The following DLGAP4 variants were observed in gnomAD, a reference collection of about 807,000 sequenced individuals.
The protein encoded by DLGAP4 is disks large-associated protein 4.
In DLGAP4, 18 loss-of-function variants were observed where a neutral mutation model predicts 86.9. That is an observed-to-expected ratio of 0.21 (90% CI 0.14 to 0.31). The LOEUF (loss-of-function observed/expected upper bound fraction) is 0.31, where lower values mean the gene tolerates loss of function less well. DLGAP4 is among the 10% of genes least tolerant of loss of function. The probability of loss-of-function intolerance (pLI) is 1.00; values close to 1 mark genes in which losing one functional copy is unlikely to be tolerated. For missense variants in DLGAP4, 1,085 were observed against 1,362.6 expected (o/e 0.80, Z 3.21); for synonymous variants, 548 against 574.3 (o/e 0.95, Z 0.65).
At chr20:36,427,240 A>AGGCC (rs538598943) in intron 2 of DLGAP4, among the ~76,000 whole-genome samples, 127 of 152,218 alleles carry the variant, frequency 8.3e-4, no homozygotes, top group African/African-American at 2.9e-3. Flanking sequence ...ACACTTTGGG[A>AGGCC]GGCCGAGGCA....
At chr20:36,489,922 A>G (rs2147740618) in intron 7 of DLGAP4, among the ~76,000 whole-genome samples, 1 of 142,780 alleles carries the variant, frequency 7.0e-6, no homozygotes, top group East Asian at 2.0e-4. Context: ...GCAGTGGCGC[A>G]ATCCTGGCTC....
chr20:36,335,034 A>T (rs2065307508), intron 1 of DLGAP4, among the ~76,000 whole-genome samples: 3 of 152,080 alleles, frequency 2.0e-5, no homozygotes, highest in African/African-American at 7.2e-5. Context: ...TAATGGTTTG[A>T]AAAGGCCTTT....
intron 1 of DLGAP4, among the ~76,000 whole-genome samples, chr20:36,332,102 G>A (rs2065274524): frequency 1.3e-5 from 2 of 152,132 alleles, no homozygotes; most frequent in South Asian, 4.1e-4. Context: ...GAGGTGATGT[G>A]ATCAGATTCA....
chr20:36,500,068 G>T lies in DLGAP4; in HGVS notation c.2100-131G>T. 9.0e-7 allele frequency: 1 copy of T among 1,115,672 alleles called. No homozygotes were observed. The highest frequency in any genetic ancestry group is 1.3e-6 in the Non-Finnish European group (1 of 796,444). 69.1% of individuals were successfully genotyped at this position (1,115,672 alleles called of 1,614,324 possible). A position where few individuals can be genotyped will look rare whatever the true frequency, so the allele number is the denominator to read the frequency against. ...GATGGGGGCTGTGGGACCCGCTTCA[G>T]GCGCATGGTGAGCAGATGATGCATC... On this transcript the variant is annotated intron_variant, in intron 9 of 12. Transcript: ENST00000339266. This position sits in a 1 kb window ranked among gnomAD's most constrained non-coding sequence, Gnocchi z 4.6.
At chr20:36,399,936 G>A (rs1157587481) in intron 2 of DLGAP4, among the ~76,000 whole-genome samples, 3 of 152,218 alleles carry the variant, frequency 2.0e-5, no homozygotes, top group African/African-American at 4.8e-5. Flanking sequence ...GGGGCTACTA[G>A]CTTTTAGAGG....
chr20:36,411,251 A>C (rs2032489432), intron 2 of DLGAP4, among the ~76,000 whole-genome samples: 1 of 152,076 alleles, frequency 6.6e-6, no homozygotes, highest in African/African-American at 2.4e-5. Context: ...CAGCCTCCCA[A>C]AGTGCAGGAT....
chr20:36,365,791 TC>T (rs782550014), intron 1 of DLGAP4, among the ~76,000 whole-genome samples: 3 of 152,112 alleles, frequency 2.0e-5, no homozygotes, highest in Non-Finnish European at 4.4e-5. Context: ...AAGGTGAGCC[TC>T]CCCGACCAGC....
intron 2 of DLGAP4, among the ~76,000 whole-genome samples, chr20:36,430,547 G>A (rs920754999): frequency 4.6e-5 from 7 of 151,086 alleles, no homozygotes; most frequent in African/African-American, 1.7e-4. Context: ...GGCAGGCACA[G>A]TGGCCCACAG....
intron 1 of DLGAP4, among the ~76,000 whole-genome samples, chr20:36,307,401 CT>C (rs2065014539): frequency 6.6e-6 from 1 of 152,186 alleles, no homozygotes; most frequent in African/African-American, 2.4e-5. Context: ...TCCGATCCCC[CT>C]CCATCCCTTC....
At chr20:36,489,402 A>G (rs990884132) in intron 7 of DLGAP4, among the ~76,000 whole-genome samples, 4 of 152,218 alleles carry the variant, frequency 2.6e-5, no homozygotes, top group Non-Finnish European at 5.9e-5. Flanking sequence ...ACCAGGCTCC[A>G]AGGACAGAGC....
chr20:36,492,302 C>A (rs950786994), intron 7 of DLGAP4: 2 of 152,486 alleles, frequency 1.3e-5, no homozygotes, highest in African/African-American at 4.8e-5. Context: ...CCTGAAGCCC[C>A]AAAATCTTGT....
chr20:36,471,505 A>T (rs1194977888), intron 7 of DLGAP4, among the ~76,000 whole-genome samples: 1 of 152,032 alleles, frequency 6.6e-6, no homozygotes, highest in Non-Finnish European at 1.5e-5. Flanking sequence ...AAAATAAATA[A>T]ATAAATAAAT....
intron 2 of DLGAP4, among the ~76,000 whole-genome samples, chr20:36,371,412 C>T (rs1289573263): frequency 6.6e-6 from 1 of 152,178 alleles, no homozygotes; most frequent in Non-Finnish European, 1.5e-5. Context: ...GGAGAGACTC[C>T]ATTGGTGCAG....
At chr20:36,457,995 T>A (rs933906899) in intron 7 of DLGAP4, among the ~76,000 whole-genome samples, 1 of 149,766 alleles carries the variant, frequency 6.7e-6, no homozygotes, top group Non-Finnish European at 1.5e-5. Context: ...AGGCGGGGGG[T>A]GAGTGGTACA....
chr20:36,462,400 T>TTAAACA, intron 7 of DLGAP4: 1 of 1,393,232 alleles, frequency 7.2e-7, no homozygotes. Context: ...ACTCTGTGCC[T>TTAAACA]CTTGCGCTGA....
chr20:36,497,198 C>T lies in DLGAP4; in HGVS notation c.2010+132C>T, dbSNP rs1600654464. 2.1e-6 allele frequency: 3 copies of T among 1,459,460 alleles called. No homozygotes were observed. The South Asian group carries it at 4.4e-5, about 21-fold the overall frequency. 90.4% of individuals were successfully genotyped at this position (1,459,460 alleles called of 1,614,324 possible). ...GTCTCTCTATTTTGGGGGATCAGCC[C>T]CAAGTGGCCAAACCGAATTCCACCC... On this transcript the variant is annotated intron_variant, in intron 8 of 12. Transcript: ENST00000339266.
intron 1 of DLGAP4, among the ~76,000 whole-genome samples, chr20:36,351,635 C>T (rs1012025967): frequency 3.9e-5 from 6 of 152,024 alleles, no homozygotes; most frequent in African/African-American, 1.2e-4. Context: ...AAATGTAATG[C>T]GCTTGAATCA....
chr20:36,492,172 A>G (rs1029137523), intron 7 of DLGAP4, among the ~76,000 whole-genome samples: 1 of 152,164 alleles, frequency 6.6e-6, no homozygotes, highest in African/African-American at 2.4e-5. Flanking sequence ...GTATTTCCTC[A>G]CTATATTTCC....
intron 1 of DLGAP4, among the ~76,000 whole-genome samples, chr20:36,321,260 C>T (rs572309961): frequency 3.3e-5 from 5 of 152,258 alleles, no homozygotes; most frequent in Admixed American, 1.3e-4. Flanking sequence ...GGGAACAGCA[C>T]GTGCAAAGGG....
Sources: allele counts gnomAD v4.1 joint callset (sites outside exome capture counted in the v4.1 genomes callset), GRCh38; gene constraint gnomAD v4.1.1; non-coding constraint Gnocchi (gnomAD v3.1); transcripts MANE v1.5; gene names NCBI Gene and HGNC (gene_info 2026-07-23, HGNC 2026-07-21).